SLC2A5: variants seen among roughly 807,000 people sequenced by gnomAD.
The protein encoded by SLC2A5 is solute carrier family 2 member 5, also known as solute carrier family 2, facilitated glucose transporter member 5.
SLC2A5 carries 56 observed loss-of-function variants against 50.3 expected under a neutral mutation model. The ratio of observed to expected loss-of-function variants is 1.11; its 90% CI spans 0.90 to 1.39. SLC2A5 has a LOEUF of 1.39. Among genes scored for constraint, SLC2A5 ranks in the 40% most tolerant of loss-of-function variants. The probability of loss-of-function intolerance (pLI) is 0.00; values close to 1 mark genes in which losing one functional copy is unlikely to be tolerated. For synonymous variants in SLC2A5, 269 were observed against 281.9 expected, an observed-to-expected ratio of 0.95 and a Z score of 0.46; for missense variants, 566 against 650.1, an observed-to-expected ratio of 0.87 and a Z score of 1.41.
chr1:9,075,957 G>A (rs1201271123), intron 2 of SLC2A5, among the ~76,000 whole-genome samples: 1 of 143,432 alleles, frequency 7.0e-6, no homozygotes, highest in African/African-American at 2.6e-5. Context: ...CACCGCGCCC[G>A]GCATTTTTTT....
Position 9,057,730 on chromosome 1 carries a change from G to A in SLC2A5, c.133-122C>T, listed in dbSNP as rs557378463. 6 of 799,330 alleles carry A rather than the reference G, an allele frequency of 7.5e-6. No homozygotes were observed. In the South Asian group the frequency reaches 8.7e-5, roughly 12 times the overall value. The allele number at this position is 799,330 out of a possible 1,614,324, so 49.5% of individuals were successfully genotyped here. On this transcript the variant is annotated intron_variant, in intron 2 of 11. Transcript: ENST00000377424. ...CACAGAGACCAACCTTATTAACCGG[G>A]GGGTGATGGGAGGCAGGACAGAGCT... is the stretch of plus-strand genomic sequence containing the variant.
Position 9,039,563 on chromosome 1 carries a change from T to C in SLC2A5, c.985A>G (p.Thr329Ala). 1 of 1,572,588 alleles carries C rather than the reference T, an allele frequency of 6.4e-7. No individual in the cohort carries two copies. Among genetic ancestry groups the C allele is most frequent in the Non-Finnish European group, 8.6e-7 (1 of 1,160,078 alleles). ...CCCAGGACACTCACGGCGCAGAAGGTCATGACCACGTTCACGGCCCCGGTG... is the reference window on the plus strand; with the variant it reads ...CCCAGGACACTCACGGCGCAGAAGGCCATGACCACGTTCACGGCCCCGGTG... The part of the protein sequence containing the change: ...AGTGAVNVVM[T>A]FCAVFVVELL... Residue 329 changes from threonine to alanine, a missense_variant, in exon 8 of 12, where the codon ACC becomes GCC. Coordinates refer to ENST00000377424, the MANE Select transcript of SLC2A5 (RefSeq NM_003039.3).
chr1:9,047,368 T>C (rs770797003), intron 4 of SLC2A5, among the ~76,000 whole-genome samples: 1 of 152,224 alleles, frequency 6.6e-6, no homozygotes, highest in Non-Finnish European at 1.5e-5. Flanking sequence ...TGGATTGGAA[T>C]GACACTTCCC....
intron 8 of SLC2A5, among the ~76,000 whole-genome samples, 172 bp downstream of exon 8, chr1:9,039,380 G>C (rs1641228842): frequency 6.6e-6 from 1 of 152,190 alleles, no homozygotes; most frequent in African/African-American, 2.4e-5. Flanking sequence ...CGGCTCGGCA[G>C]CCCCAAGTGT....
chr1:9,091,649 C>A (rs1052606682), upstream of SLC2A5, among the ~76,000 whole-genome samples: 16 of 150,854 alleles, frequency 1.1e-4, no homozygotes, highest in African/African-American at 3.5e-4. Context: ...CAATTTTAAA[C>A]CCTGACCAAC....
At chr1:9,065,493 C>G (rs1028717772) in intron 1 of SLC2A5, among the ~76,000 whole-genome samples, 1 of 152,204 alleles carries the variant, frequency 6.6e-6, no homozygotes, top group Non-Finnish European at 1.5e-5. Flanking sequence ...CATGGAGGAT[C>G]AGTACTTCAA....
At chr1:9,060,487 AC>A (rs549915573) in intron 1 of SLC2A5, among the ~76,000 whole-genome samples, 1 of 84,564 alleles carries the variant, frequency 1.2e-5, no homozygotes, top group Admixed American at 1.4e-4. Context: ...CCCATACCCC[AC>A]CCCCCCACAT....
At chr1:9,042,116 A>G (rs1418261819) in intron 4 of SLC2A5, among the ~76,000 whole-genome samples, 179 bp from the exon 5 acceptor site, 1 of 152,240 alleles carries the variant, frequency 6.6e-6, no homozygotes, top group Non-Finnish European at 1.5e-5. Flanking sequence ...GGAAAGAGAA[A>G]CAGATCAAAG....
At chr1:9,038,345 T>A (rs1557660292) in intron 10 of SLC2A5, 86 bp downstream of exon 10, 2 of 986,306 alleles carry the variant, frequency 2.0e-6, no homozygotes, top group Non-Finnish European at 3.2e-6. Context: ...GCATTGGCCA[T>A]CCCTGGTATC....
At chr1:9,055,418 G>T (rs1305481045) in intron 3 of SLC2A5, among the ~76,000 whole-genome samples, 4 of 152,094 alleles carry the variant, frequency 2.6e-5, no homozygotes, top group African/African-American at 9.7e-5. Flanking sequence ...TTGGGAGGCC[G>T]AGGCAGGAGA....
At chr1:9,082,081 C>CA (rs775433577) in intron 2 of SLC2A5, among the ~76,000 whole-genome samples, 4 of 151,304 alleles carry the variant, frequency 2.6e-5, no homozygotes, top group Admixed American at 6.6e-5. Flanking sequence ...GACTCTGTCT[C>CA]AAAAAAAATA....
In SLC2A5 at chr1:9,069,588, G is replaced by C; in HGVS notation, c.-52C>G. The C allele has an allele frequency of 6.2e-7, 1 of 1,602,582 alleles. No homozygotes were observed. Among genetic ancestry groups the C allele is most frequent in the Non-Finnish European group, 8.5e-7 (1 of 1,170,454 alleles). ...CTCACCTCCTTTTAGCCAAAGTAAC[G>C]CGTGCACTGAATGGAGAGAGAAGAC... On this transcript the variant is annotated 5_prime_UTR_variant, in exon 1 of 12. Transcript: ENST00000377424.
chr1:9,065,706 G>A (rs1404141913), intron 1 of SLC2A5, among the ~76,000 whole-genome samples: 1 of 152,190 alleles, frequency 6.6e-6, no homozygotes, highest in East Asian at 1.9e-4. Flanking sequence ...CCTTTAGAAT[G>A]GGGATAATGG....
chr1:9,050,736 G>C (rs1001118602), intron 3 of SLC2A5, among the ~76,000 whole-genome samples: 9 of 152,022 alleles, frequency 5.9e-5, no homozygotes, highest in African/African-American at 2.2e-4. Context: ...AAGACAGAAG[G>C]TTAGAAAATA....
chr1:9,047,883 C>A, intron 3 of SLC2A5, 149 bp from the exon 4 acceptor site: 1 of 774,022 alleles, frequency 1.3e-6, no homozygotes, highest in Non-Finnish European at 2.1e-6. Flanking sequence ...GAGACTGATA[C>A]AGGTCAAGTG....
At chr1:9,053,551 TTA>T (rs70985575) in intron 3 of SLC2A5, among the ~76,000 whole-genome samples, 7,348 of 94,268 alleles carry the variant, frequency 0.078, 830 homozygotes, top group Admixed American at 0.13. Flanking sequence ...TATTATATAT[TTA>T]TATATATTAT....
At chr1:9,056,999 TA>T (rs1641771191) in intron 3 of SLC2A5, among the ~76,000 whole-genome samples, 2 of 151,958 alleles carry the variant, frequency 1.3e-5, no homozygotes, top group Non-Finnish European at 2.9e-5. Context: ...CATTAGAAAA[TA>T]AAAATGACCG....
Position 9,038,389 on chromosome 1 carries a change from A to T in SLC2A5, c.1174+42T>A, listed in dbSNP as rs556584756. 40 of 1,387,096 alleles carry T rather than the reference A, an allele frequency of 2.9e-5. 1 individual carries two copies. The highest frequency in any genetic ancestry group is 2.6e-5 in the South Asian group (2 of 77,012). 85.9% of individuals were successfully genotyped at this position (1,387,096 alleles called of 1,614,324 possible). ...GCTCCAGCCCGGAGCTTCTGGGACCAGGGGGGGTTGTGACACCCTGAGGCC... is the reference window on the plus strand; with the variant it reads ...GCTCCAGCCCGGAGCTTCTGGGACCTGGGGGGGTTGTGACACCCTGAGGCC... On this transcript the variant is annotated intron_variant, in intron 10 of 11. Coordinates refer to ENST00000377424, the MANE Select transcript of SLC2A5 (RefSeq NM_003039.3).
chr1:9,075,933 T>TA, intron 2 of SLC2A5, among the ~76,000 whole-genome samples: 1 of 151,776 alleles, frequency 6.6e-6, no homozygotes, highest in Non-Finnish European at 1.5e-5. Flanking sequence ...AGTGCTGGGA[T>TA]TACAGGCGTG....
Sources: allele counts gnomAD v4.1 joint callset (sites outside exome capture counted in the v4.1 genomes callset), GRCh38; gene constraint gnomAD v4.1.1; transcripts MANE v1.5; gene names NCBI Gene and HGNC (gene_info 2026-07-23, HGNC 2026-07-21).